The following ESRRG variants were observed in gnomAD, a reference collection of about 807,000 sequenced individuals.
The protein encoded by ESRRG is estrogen related receptor gamma.
A neutral mutation model predicts 44.0 loss-of-function variants in ESRRG; 13 were observed. The observed-to-expected ratio is 0.30, with a 90% CI of 0.19 to 0.47. ESRRG has a LOEUF of 0.47. ESRRG is among the 20% of genes least tolerant of loss of function. The pLI is 1.00. For missense variants in ESRRG, 395 were observed against 580.6 expected, an observed-to-expected ratio of 0.68 and a Z score of 3.29; for synonymous variants, 215 against 214.6, an observed-to-expected ratio of 1.00 and a Z score of -0.02.
At chr1:216,602,086 C>A (rs1469064402) in intron 3 of ESRRG, among the ~76,000 whole-genome samples, 2 of 152,176 alleles carry the variant, frequency 1.3e-5, no homozygotes, top group Non-Finnish European at 2.9e-5. Context: ...TTTCTGTGTT[C>A]TACTTAAATT....
At chr1:216,900,113 A>C (rs1325755543) in intron 2 of ESRRG, among the ~76,000 whole-genome samples, 1 of 152,202 alleles carries the variant, frequency 6.6e-6, no homozygotes, top group Non-Finnish European at 1.5e-5. Flanking sequence ...TTTACCCTAC[A>C]GAATCAGGAG....
intron 1 of ESRRG, among the ~76,000 whole-genome samples, chr1:217,026,978 T>C (rs1301316645): frequency 6.6e-6 from 1 of 150,738 alleles, no homozygotes; most frequent in Non-Finnish European, 1.5e-5. Context: ...CATGGTTTTA[T>C]TCAATTGCCA....
intron 2 of ESRRG, among the ~76,000 whole-genome samples, chr1:216,901,212 G>A (rs761720249): frequency 2.6e-5 from 4 of 152,020 alleles, no homozygotes; most frequent in Non-Finnish European, 4.4e-5. Flanking sequence ...AGAGTCAGAA[G>A]CTACAAAACT....
chr1:216,592,986 C>T (rs1436872143), intron 3 of ESRRG, among the ~76,000 whole-genome samples: 1 of 152,182 alleles, frequency 6.6e-6, no homozygotes, highest in Admixed American at 6.5e-5. Flanking sequence ...CAATCCATTA[C>T]AAGGTTTGTG....
intron 3 of ESRRG, among the ~76,000 whole-genome samples, chr1:216,630,899 T>C (rs2064047489): frequency 6.8e-6 from 1 of 146,488 alleles, no homozygotes; most frequent in Non-Finnish European, 1.5e-5. Flanking sequence ...AATTTCTCCA[T>C]AGATAAAAGA....
At chr1:216,978,349 A>C (rs977194730) in intron 1 of ESRRG, among the ~76,000 whole-genome samples, 2 of 152,214 alleles carry the variant, frequency 1.3e-5, no homozygotes, top group Admixed American at 1.3e-4. Flanking sequence ...TATAGCTGGC[A>C]AGGCAGAAAA....
At chr1:216,663,919 A>G (rs911480072) in intron 2 of ESRRG, among the ~76,000 whole-genome samples, 2 of 152,186 alleles carry the variant, frequency 1.3e-5, no homozygotes, top group African/African-American at 4.8e-5. Flanking sequence ...GAACTGACAC[A>G]GGAAATGGAA....
At chr1:216,848,635 C>T (rs985081437) in intron 2 of ESRRG, among the ~76,000 whole-genome samples, 3 of 152,048 alleles carry the variant, frequency 2.0e-5, no homozygotes, top group Non-Finnish European at 2.9e-5. Context: ...ACTCCTCCAG[C>T]GATCTCATAG....
chr1:216,531,419 A>G (rs2049337163), intron 5 of ESRRG, among the ~76,000 whole-genome samples: 1 of 151,982 alleles, frequency 6.6e-6, no homozygotes, highest in African/African-American at 2.4e-5. Context: ...GCTCAAGCAG[A>G]GCTAAGTCAT....
At chr1:216,691,621 G>A (rs368069096) in intron 1 of ESRRG, among the ~76,000 whole-genome samples, 15 of 152,186 alleles carry the variant, frequency 9.9e-5, no homozygotes, top group African/African-American at 3.6e-4. Flanking sequence ...CCTGAAAAGG[G>A]GTTTCTGTAG....
chr1:216,773,304 T>G (rs911679316), intron 2 of ESRRG, among the ~76,000 whole-genome samples: 5 of 152,132 alleles, frequency 3.3e-5, no homozygotes, highest in African/African-American at 1.2e-4. Flanking sequence ...CACACAGATA[T>G]AGCTTGCTTT....
At chr1:217,059,154 A>G (rs1404387935) in intron 1 of ESRRG, among the ~76,000 whole-genome samples, 2 of 149,862 alleles carry the variant, frequency 1.3e-5, no homozygotes, top group Non-Finnish European at 3.0e-5. Flanking sequence ...ACAGAGGAAC[A>G]TATTAAACTG....
chr1:217,020,527 T>C (rs2080125833), intron 1 of ESRRG, among the ~76,000 whole-genome samples: 1 of 152,278 alleles, frequency 6.6e-6, no homozygotes, highest in African/African-American at 2.4e-5. Flanking sequence ...ACAGCCCTAC[T>C]TGAAATGGAG....
At position 216,890,520 on chromosome 1, in the gene ESRRG, T is replaced by C. The variant is rs553200030; in HGVS notation, c.-14+49062A>G. 5.8e-4 allele frequency among the ~76,000 whole-genome samples: 89 copies of C among 152,314 alleles called. 1 individual carries two copies. The highest frequency in any genetic ancestry group is 2.1e-3 in the African/African-American group (88 of 41,566). On this transcript the variant is annotated intron_variant, in intron 2 of 7. Transcript: ENST00000359162. ...CCAGAGGGGAAATCTTAAATATAAC[T>C]GACCACTATGATATAATAAATTATG...
chr1:216,605,623 T>C (rs888639805), intron 3 of ESRRG, among the ~76,000 whole-genome samples: 38 of 152,138 alleles, frequency 2.5e-4, no homozygotes, highest in African/African-American at 9.2e-4. Flanking sequence ...TTATACAAGA[T>C]TAAGGTAATA....
At chr1:216,651,841 T>C (rs1461735223) in intron 2 of ESRRG, among the ~76,000 whole-genome samples, 2 of 152,206 alleles carry the variant, frequency 1.3e-5, no homozygotes, top group African/African-American at 4.8e-5. Flanking sequence ...CTTTGTATCA[T>C]TTATGGTAGT....
chr1:216,652,902 T>TA (rs1254081990), intron 2 of ESRRG, among the ~76,000 whole-genome samples: 1 of 152,026 alleles, frequency 6.6e-6, no homozygotes, highest in Non-Finnish European at 1.5e-5. Flanking sequence ...CCCCTATACT[T>TA]ACTTAAAAAG....
At chr1:216,589,287 G>A (rs765290879) in intron 3 of ESRRG, among the ~76,000 whole-genome samples, 2 of 152,234 alleles carry the variant, frequency 1.3e-5, no homozygotes, top group Non-Finnish European at 1.5e-5. Context: ...CCACATGTGG[G>A]CTACATGTGG....
At chr1:217,070,463 C>T (rs908096293) in intron 1 of ESRRG, among the ~76,000 whole-genome samples, 2 of 151,898 alleles carry the variant, frequency 1.3e-5, no homozygotes, top group Non-Finnish European at 2.9e-5. Context: ...CTCACTGCAA[C>T]CTATGCTTCC....
Sources: allele counts gnomAD v4.1 joint callset (sites outside exome capture counted in the v4.1 genomes callset), GRCh38; gene constraint gnomAD v4.1.1; transcripts MANE v1.5; gene names NCBI Gene and HGNC (gene_info 2026-07-23, HGNC 2026-07-21).